TRPM7: variants seen among roughly 807,000 people sequenced by gnomAD.
The protein encoded by TRPM7 is transient receptor potential cation channel subfamily M member 7.
TRPM7 carries 134 observed loss-of-function variants against 229.7 expected under a neutral mutation model. The observed-to-expected ratio is 0.58, with a 90% CI of 0.51 to 0.67. The LOEUF (loss-of-function observed/expected upper bound fraction) is 0.67, where lower values mean the gene tolerates loss of function less well. Ranked by LOEUF, TRPM7 falls within the 30% of genes least tolerant of loss-of-function variation. TRPM7 has a pLI of 0.00. For synonymous variants in TRPM7, 699 were observed against 715.2 expected (o/e 0.98, Z 0.36); for missense variants, 1,901 against 2,210.0 (o/e 0.86, Z 2.80).
At chr15:50,596,194 C>T in intron 23 of TRPM7, 61 bp downstream of exon 23, 2 of 1,180,016 alleles carry the variant, frequency 1.7e-6, no homozygotes, top group Non-Finnish European at 2.2e-6. Context: ...AAATTTCCTT[C>T]AAAATATGTA....
chr15:50,663,062 T>A lies in TRPM7; in HGVS notation c.4-16A>T, dbSNP rs773722814. 7.5e-6 allele frequency: 12 copies of A among 1,596,162 alleles called. No homozygotes were observed. Among genetic ancestry groups the A allele is most frequent in the Non-Finnish European group, 9.4e-6 (11 of 1,165,020 alleles). ...ATTTCTGGGACTAAAACAAAATGTTTTAAAGAATTGTTTATAAGTTAACCC... is the reference window on the plus strand; with the variant it reads ...ATTTCTGGGACTAAAACAAAATGTTATAAAGAATTGTTTATAAGTTAACCC... On this transcript the variant is annotated splice_polypyrimidine_tract_variant and intron_variant, in intron 1 of 38. Coordinates refer to ENST00000646667, the MANE Select transcript of TRPM7 (RefSeq NM_017672.6).
chr15:50,607,885 GAA>G (rs758254672), intron 19 of TRPM7, among the ~76,000 whole-genome samples: 57 of 109,196 alleles, frequency 5.2e-4, no homozygotes, highest in Admixed American at 7.8e-4. Context: ...CATCTCTACT[GAA>G]AAAAAAAAAA....
In TRPM7 at chr15:50,681,024, G is replaced by A. The variant is rs901305184; in HGVS notation, c.3+5507C>T. Among the ~76,000 whole-genome samples, 8 of 152,172 alleles carry A rather than the reference G, an allele frequency of 5.3e-5. No individual in the cohort carries two copies. In the East Asian group the frequency reaches 9.7e-4, roughly 18 times the overall value. ...TCCCAGCACTTTGGGAGGCCAAGGC[G>A]GGCAGATCACGAGGTCAGGAGTTCG... is the stretch of plus-strand genomic sequence containing the variant. On this transcript the variant is annotated intron_variant, in intron 1 of 38. Transcript: ENST00000646667.
chr15:50,568,886 G>A (rs1218715978), intron 38 of TRPM7, among the ~76,000 whole-genome samples: 1 of 152,036 alleles, frequency 6.6e-6, no homozygotes, highest in African/African-American at 2.4e-5. Flanking sequence ...GGGAGGCTGA[G>A]GTGGGAGGAT....
At chr15:50,684,497 C>T (rs1408960751) in intron 1 of TRPM7, among the ~76,000 whole-genome samples, 2 of 151,744 alleles carry the variant, frequency 1.3e-5, no homozygotes, top group African/African-American at 2.4e-5. Context: ...AAAAATTAGC[C>T]GGGTGTGGTG....
At chr15:50,650,972 T>A (rs1413871408) in intron 3 of TRPM7, among the ~76,000 whole-genome samples, 1 of 152,144 alleles carries the variant, frequency 6.6e-6, no homozygotes, top group Non-Finnish European at 1.5e-5. Context: ...GCAGTTTGCT[T>A]GAGCCCAGGA....
chr15:50,659,873 G>A (rs1473722664), intron 2 of TRPM7, among the ~76,000 whole-genome samples: 3 of 152,014 alleles, frequency 2.0e-5, no homozygotes, highest in Non-Finnish European at 2.9e-5. Context: ...TCACCATGTT[G>A]GCCAGGCTGG....
At chr15:50,610,094 G>A in intron 17 of TRPM7, 133 bp from the exon 18 acceptor site, 1 of 650,132 alleles carries the variant, frequency 1.5e-6, no homozygotes, top group South Asian at 3.0e-5. Flanking sequence ...CCTAGCAGTA[G>A]AGGGAAAAAA....
intron 32 of TRPM7, 27 bp downstream of exon 32, chr15:50,575,823 GTAAAGGTCCAAAATGCTAT>G (rs757147413): frequency 1.2e-6 from 2 of 1,612,002 alleles, no homozygotes; most frequent in South Asian, 2.2e-5. Context: ...AATTAAATCT[GTAAAGGTCCAAAATGCTAT>G]TAAATTTTGT....
chr15:50,605,211 C>T, intron 20 of TRPM7, 67 bp from the exon 21 acceptor site: 2 of 1,245,640 alleles, frequency 1.6e-6, no homozygotes, highest in Non-Finnish European at 2.2e-6. Flanking sequence ...ATACAGCATT[C>T]AACTATAACA....
intron 28 of TRPM7, among the ~76,000 whole-genome samples, chr15:50,585,587 C>A (rs143432284): frequency 1.3e-5 from 2 of 152,154 alleles, no homozygotes; most frequent in East Asian, 3.8e-4. Flanking sequence ...CTCCTTTAAT[C>A]TGCTACTATC....
chr15:50,678,246 A>AAAAAAAAC (rs1555435864), intron 1 of TRPM7, among the ~76,000 whole-genome samples: 1 of 142,504 alleles, frequency 7.0e-6, no homozygotes, highest in African/African-American at 2.6e-5. Context: ...TCTCAAAAAA[A>AAAAAAAAC]AAAAACAAAA....
At chr15:50,568,196 A>G (rs912285348) in intron 38 of TRPM7, among the ~76,000 whole-genome samples, 1 of 151,792 alleles carries the variant, frequency 6.6e-6, no homozygotes, top group Non-Finnish European at 1.5e-5. Flanking sequence ...TAAAGTTAAC[A>G]TCATCTTAAT....
At chr15:50,679,165 C>G (rs958501180) in intron 1 of TRPM7, among the ~76,000 whole-genome samples, 1 of 136,476 alleles carries the variant, frequency 7.3e-6, no homozygotes, top group African/African-American at 3.0e-5. Flanking sequence ...AACCACCGCA[C>G]CCAGTCAAAA....
chr15:50,562,089 T>C (rs903630862), intron 38 of TRPM7, among the ~76,000 whole-genome samples: 8 of 151,860 alleles, frequency 5.3e-5, no homozygotes, highest in Admixed American at 6.6e-5. Flanking sequence ...AGAGACAGGG[T>C]TTCACCATGT....
intron 2 of TRPM7, among the ~76,000 whole-genome samples, chr15:50,658,319 A>G (rs2061634853): frequency 6.6e-6 from 1 of 152,016 alleles, no homozygotes; most frequent in African/African-American, 2.4e-5. Context: ...GTCCACACCT[A>G]TAATTGCAAC....
chr15:50,628,186 G>T lies in TRPM7; in HGVS notation c.1268C>A (p.Ala423Asp). Residue 423 changes from alanine (A) to aspartate (D), a missense_variant, in exon 11 of 39, where the codon GCC (alanine) becomes GAC (aspartate). Physicochemically the swap from Ala to Asp is moderately radical, Grantham distance 126. Around this residue, in one of 8 missense-constraint regions of TRPM7, gnomAD observed 794 missense variants for 881.9 expected, o/e 0.90. Coordinates refer to ENST00000646667, the MANE Select transcript of TRPM7 (RefSeq NM_017672.6). ...LTLAWDRVDIAKNHVFVYGQQ... is the reference protein window; with the variant it reads ...LTLAWDRVDIDKNHVFVYGQQ... ...TCCATAAACAAATACATGATTTTTGGCAATGTCAACTCTATCCCATGCCAA... is the reference window on the plus strand; with the variant it reads ...TCCATAAACAAATACATGATTTTTGTCAATGTCAACTCTATCCCATGCCAA... 6.2e-7 allele frequency: 1 copy of T among 1,613,164 alleles called. No individual in the cohort carries two copies. The highest frequency in any genetic ancestry group is 8.5e-7 in the Non-Finnish European group (1 of 1,179,748).
At chr15:50,577,132 G>A (rs568824708) in intron 31 of TRPM7, among the ~76,000 whole-genome samples, 7 of 151,632 alleles carry the variant, frequency 4.6e-5, no homozygotes, top group African/African-American at 1.5e-4. Flanking sequence ...GGCGGGAGGC[G>A]TGGAATTAAG....
rs1376998234 is a variant in TRPM7, at chr15:50,590,767, C to G, written c.4325-1111G>C. The stretch of plus-strand genomic sequence containing the variant: ...TGAATCTGGGAGGCAGAGGTTGCAG[C>G]GAGCCGAGATTGTGCCACTGCACTC... On this transcript the variant is annotated intron_variant, in intron 26 of 38. Coordinates refer to ENST00000646667, the MANE Select transcript of TRPM7 (RefSeq NM_017672.6). 2.7e-5 allele frequency among the ~76,000 whole-genome samples: 4 copies of G among 150,056 alleles called. No homozygotes were observed. In the South Asian group the frequency reaches 6.3e-4, roughly 24 times the overall value.
Sources: allele counts gnomAD v4.1 joint callset (sites outside exome capture counted in the v4.1 genomes callset), GRCh38; gene constraint gnomAD v4.1.1; regional missense constraint gnomAD v4.1.1; transcripts MANE v1.5; gene names NCBI Gene and HGNC (gene_info 2026-07-23, HGNC 2026-07-21).